The following TLK1 variants were observed in gnomAD, a reference collection of about 807,000 sequenced individuals.
TLK1 encodes tousled like kinase 1.
In TLK1, 24 loss-of-function variants were observed where a neutral mutation model predicts 105.3. That is an observed-to-expected ratio of 0.23 (90% confidence interval 0.17 to 0.32). The LOEUF is 0.32. TLK1 is among the 10% of genes least tolerant of loss of function. The pLI is 1.00. For missense variants in TLK1, 558 were observed against 910.5 expected (o/e 0.61, Z 4.98); for synonymous variants, 321 against 310.4 (o/e 1.03, Z -0.36).
chr2:171,129,888 G>A (rs372512121), intron 1 of TLK1, among the ~76,000 whole-genome samples: 1 of 111,280 alleles, frequency 9.0e-6, no homozygotes, highest in African/African-American at 3.2e-5. Context: ...AACATAACAT[G>A]GGTAAAATTC....
intron 1 of TLK1, among the ~76,000 whole-genome samples, chr2:171,177,611 A>G (rs950061456): frequency 4.6e-5 from 7 of 152,228 alleles, no homozygotes; most frequent in African/African-American, 7.2e-5. Context: ...GATATACTTT[A>G]CCATTTTGTT....
At position 171,204,210 on chromosome 2, in the gene TLK1, G is replaced by A. The variant is rs556703490; in HGVS notation, c.-6+26935C>T. On this transcript the variant is annotated intron_variant, in intron 1 of 20. Coordinates refer to the TLK1 transcript ENST00000521943. ...AGAATATTTCTCCATTACACATGCA[G>A]AAATTGACATGAACTCAAGATTTTC... is the stretch of plus-strand genomic sequence containing the variant. Among the ~76,000 whole-genome samples the A allele has an allele frequency of 2.6e-5, 4 of 152,304 alleles. 1 individual carries two copies. In the East Asian group the frequency reaches 7.7e-4, roughly 29 times the overall value.
chr2:171,056,417 A>G (rs1687503039), intron 6 of TLK1, 54 bp downstream of exon 6: 9 of 1,414,476 alleles, frequency 6.4e-6, no homozygotes, highest in Admixed American at 1.8e-5. Context: ...AAACTTATTC[A>G]GTGTACATAA....
chr2:171,118,621 G>A (rs1429109035), intron 1 of TLK1, among the ~76,000 whole-genome samples: 1 of 152,118 alleles, frequency 6.6e-6, no homozygotes, highest in Non-Finnish European at 1.5e-5. Flanking sequence ...GCAGACTAAA[G>A]CACTCCAAAT....
intron 1 of TLK1, among the ~76,000 whole-genome samples, chr2:171,202,756 C>CAAACA (rs762851876): frequency 7.9e-5 from 12 of 152,114 alleles, no homozygotes; most frequent in South Asian, 2.1e-4. Context: ...GACTCCATCT[C>CAAACA]AAACAAAACA....
In TLK1 at chr2:171,216,646, C is replaced by T. The variant is rs182016881; in HGVS notation, c.-6+14499G>A. On this transcript the variant is annotated intron_variant, in intron 1 of 20. Transcript: ENST00000521943. ...ATGTTGGAGTCGTAACCCCTAGTAC[C>T]TTAGAATATGACCTTATTTAGAAGT... 2.1e-3 allele frequency among the ~76,000 whole-genome samples: 318 copies of T among 152,204 alleles called. 7 individuals carry two copies. The highest frequency in any genetic ancestry group is 1.5e-3 in the East Asian group (8 of 5,186).
chr2:171,040,674 T>C (rs1450741113), intron 11 of TLK1, among the ~76,000 whole-genome samples: 1 of 148,588 alleles, frequency 6.7e-6, no homozygotes, highest in Non-Finnish European at 1.5e-5. Context: ...CCTCCCCAGC[T>C]CAAGCAATTC....
intron 12 of TLK1, among the ~76,000 whole-genome samples, chr2:171,026,935 G>C (rs1685802857): frequency 1.3e-5 from 2 of 152,050 alleles, no homozygotes; most frequent in South Asian, 4.1e-4. Context: ...GAACAGAATA[G>C]AACTACTTAA....
At chr2:171,213,278 T>C (rs1013338486) in intron 1 of TLK1, among the ~76,000 whole-genome samples, 6 of 151,786 alleles carry the variant, frequency 4.0e-5, no homozygotes, top group African/African-American at 1.5e-4. Flanking sequence ...CATGGCTCAC[T>C]GCAGCCTCGA....
chr2:171,033,840 G>A (rs1404553400), intron 11 of TLK1, among the ~76,000 whole-genome samples: 1 of 149,058 alleles, frequency 6.7e-6, no homozygotes, highest in Non-Finnish European at 1.5e-5. Flanking sequence ...TTACAGAATA[G>A]CAGAAAATAT....
At chr2:171,034,180 C>T (rs1310606589) in intron 11 of TLK1, among the ~76,000 whole-genome samples, 3 of 151,962 alleles carry the variant, frequency 2.0e-5, no homozygotes, top group South Asian at 2.1e-4. Context: ...GAATGTAAAA[C>T]GGTGCAGAAT....
chr2:171,014,603 C>A (rs1448301044), intron 13 of TLK1, among the ~76,000 whole-genome samples: 2 of 152,048 alleles, frequency 1.3e-5, no homozygotes, highest in Admixed American at 6.5e-5. Context: ...GGAGGAACAT[C>A]CAGGCAGAGG....
chr2:171,053,791 C>T lies in TLK1; in HGVS notation c.702G>A (p.Lys234=). ...LESNKIQDLE[K]KEGRIDDLLR... is the part of the protein sequence containing the mutation. Reference sequence around the variant, plus strand: ...GCAAATCATCTATACGTCCCTCCTTCTTTTCCAGGTCCTGGATTTTATTAC... The same window carrying T: ...GCAAATCATCTATACGTCCCTCCTTTTTTTCCAGGTCCTGGATTTTATTAC... The change falls in exon 8 of 21, where the codon AAG becomes AAA. Residue 234 remains lysine (K), a synonymous_variant. Coordinates refer to ENST00000431350, the MANE Select transcript of TLK1 (RefSeq NM_012290.5). 1 of 1,610,684 alleles carries T rather than the reference C, an allele frequency of 6.2e-7. No individual in the cohort carries two copies. Among genetic ancestry groups the T allele is most frequent in the East Asian group, 2.2e-5 (1 of 44,644 alleles).
chr2:171,111,958 T>TTTGG (rs1396299937), intron 2 of TLK1, among the ~76,000 whole-genome samples: 3 of 152,056 alleles, frequency 2.0e-5, no homozygotes, highest in Non-Finnish European at 2.9e-5. Context: ...TTTTTGTTTG[T>TTTGG]TTTTGGTTTT....
intron 1 of TLK1, among the ~76,000 whole-genome samples, chr2:171,190,658 G>A (rs1285874693): frequency 6.6e-6 from 1 of 152,142 alleles, no homozygotes; most frequent in Non-Finnish European, 1.5e-5. Context: ...TCTATTCTAT[G>A]TAAAATGTTC....
At chr2:171,106,898 A>G (rs1689953550) in intron 2 of TLK1, among the ~76,000 whole-genome samples, 1 of 152,180 alleles carries the variant, frequency 6.6e-6, no homozygotes, top group Admixed American at 6.5e-5. Flanking sequence ...TTCATCCAAC[A>G]TATACCTGTA....
intron 8 of TLK1, among the ~76,000 whole-genome samples, chr2:171,051,403 C>G (rs1456925394): frequency 6.6e-6 from 1 of 152,010 alleles, no homozygotes; most frequent in Non-Finnish European, 1.5e-5. Flanking sequence ...GAGATGCAAG[C>G]AGAAGTTGTT....
upstream of TLK1, among the ~76,000 whole-genome samples, chr2:171,162,043 C>T (rs1170063477): frequency 6.6e-6 from 1 of 152,186 alleles, no homozygotes; most frequent in Non-Finnish European, 1.5e-5. Flanking sequence ...TCGCATTTCT[C>T]ATAGTAATGT....
intron 2 of TLK1, among the ~76,000 whole-genome samples, chr2:171,087,961 G>A (rs1689055746): frequency 6.6e-6 from 1 of 152,154 alleles, no homozygotes. Flanking sequence ...CCACAGGTAT[G>A]AGATGATAAA....
Sources: allele counts gnomAD v4.1 joint callset (sites outside exome capture counted in the v4.1 genomes callset), GRCh38; gene constraint gnomAD v4.1.1; transcripts MANE v1.5; gene names NCBI Gene and HGNC (gene_info 2026-07-23, HGNC 2026-07-21).